MAML3: variants seen among roughly 807,000 people sequenced by gnomAD.
MAML3 encodes mastermind like transcriptional coactivator 3, also known as mastermind-like protein 3.
A neutral mutation model predicts 101.9 loss-of-function variants in MAML3; 27 were observed. The ratio of observed to expected loss-of-function variants is 0.27; its 90% confidence interval spans 0.20 to 0.37. MAML3 has a LOEUF of 0.37. Among genes scored for constraint, MAML3 ranks in the 10% least tolerant of loss-of-function variants. The pLI, the probability that MAML3 is intolerant of heterozygous loss-of-function variation, is 1.00. For missense variants in MAML3, 1,316 were observed against 1,444.9 expected, an observed-to-expected ratio of 0.91 and a Z score of 1.45; for synonymous variants, 501 against 555.9, an observed-to-expected ratio of 0.90 and a Z score of 1.39.
At chr4:139,963,496 C>T (rs375272312) in intron 1 of MAML3, among the ~76,000 whole-genome samples, 6 of 152,144 alleles carry the variant, frequency 3.9e-5, no homozygotes, top group Non-Finnish European at 5.9e-5. Flanking sequence ...TCTACGTGGC[C>T]GACAATGAAA....
At chr4:139,833,707 G>A (rs1275556199) in intron 2 of MAML3, among the ~76,000 whole-genome samples, 1 of 152,142 alleles carries the variant, frequency 6.6e-6, no homozygotes, top group Non-Finnish European at 1.5e-5. Flanking sequence ...AGTGCCAAGG[G>A]GTGGCCGCTT....
At chr4:139,907,616 C>T (rs959305905) in intron 1 of MAML3, among the ~76,000 whole-genome samples, 2 of 152,124 alleles carry the variant, frequency 1.3e-5, no homozygotes, top group Non-Finnish European at 2.9e-5. Flanking sequence ...TTTTTGATGG[C>T]CCATTGGGTG....
chr4:139,830,665 C>T (rs866932023), intron 2 of MAML3, among the ~76,000 whole-genome samples: 37 of 152,012 alleles, frequency 2.4e-4, no homozygotes, highest in African/African-American at 8.7e-4. Flanking sequence ...CCGCCCGCCT[C>T]GGCCTCCCAA....
intron 2 of MAML3, chr4:139,731,435 T>TAAAGAA (rs1728709690): frequency 5.2e-5 from 2 of 38,718 alleles, no homozygotes; most frequent in East Asian, 1.9e-3. Flanking sequence ...CTGTCTCTAC[T>TAAAGAA]AAAAAAAAAA....
chr4:139,798,391 T>C (rs950990476), intron 2 of MAML3, among the ~76,000 whole-genome samples: 3 of 152,352 alleles, frequency 2.0e-5, no homozygotes, highest in Non-Finnish European at 4.4e-5. Context: ...CTTTCATCTC[T>C]GACATTCTAT....
At chr4:139,783,696 G>T (rs939109268) in intron 2 of MAML3, among the ~76,000 whole-genome samples, 1 of 152,184 alleles carries the variant, frequency 6.6e-6, no homozygotes, top group Non-Finnish European at 1.5e-5. Flanking sequence ...GCCCAAGAGA[G>T]GGCTCATTTG....
chr4:139,937,109 T>C (rs1018414161), intron 1 of MAML3, among the ~76,000 whole-genome samples: 3 of 152,246 alleles, frequency 2.0e-5, no homozygotes, highest in African/African-American at 7.2e-5. Flanking sequence ...CCTGTCTTTC[T>C]TGCTAGCCAA....
chr4:140,034,338 A>G (rs1035520997), intron 1 of MAML3, among the ~76,000 whole-genome samples: 2 of 152,240 alleles, frequency 1.3e-5, no homozygotes, highest in East Asian at 3.8e-4. Flanking sequence ...GAAATGGAGT[A>G]GATTACTTAG....
At chr4:139,845,786 A>G (rs1041982401) in intron 2 of MAML3, among the ~76,000 whole-genome samples, 2 of 152,232 alleles carry the variant, frequency 1.3e-5, no homozygotes, top group African/African-American at 4.8e-5. Context: ...TGATATTATG[A>G]TAATTCTGAA....
rs1386149588 is a variant in MAML3, at chr4:139,725,753, T to G, written c.2414A>C (p.Gln805Pro). The change falls in exon 4 of 5, where the codon CAA becomes CCA. Residue 805 changes from glutamine to proline, a missense_variant and splice_region_variant. Transcript: ENST00000509479. ...PYPVQQVNQF[Q>P]GSPQDIAAVR... ...GAGAGAGGTTGCACTGGCCTCACCT[T>G]GAAACTGATTGACCTGCTGCACTGG... The G allele has an allele frequency of 8.1e-6, 13 of 1,613,766 alleles. No homozygotes were observed. The highest frequency in any genetic ancestry group is 1.1e-5 in the Non-Finnish European group (13 of 1,179,802).
In MAML3 at chr4:139,816,503, T is replaced by C. The variant is rs186738604; in HGVS notation, c.2079+72854A>G. The stretch of plus-strand genomic sequence containing the variant: ...TCTGGGGTATAAGGCTTACTGTGAT[T>C]CCAGACGTGTCGCCATGGCAGCGGT... On this transcript the variant is annotated intron_variant, in intron 2 of 4. Coordinates refer to ENST00000509479, the MANE Select transcript of MAML3 (RefSeq NM_018717.5). Among the ~76,000 whole-genome samples, 100 of 152,214 alleles carry C rather than the reference T, an allele frequency of 6.6e-4. 2 individuals are homozygous for C. The East Asian group carries it at 0.018, about 27-fold the overall frequency.
intron 1 of MAML3, among the ~76,000 whole-genome samples, chr4:140,070,945 C>T (rs1180444328): frequency 6.6e-6 from 1 of 152,198 alleles, no homozygotes; most frequent in Non-Finnish European, 1.5e-5. Context: ...GGCCTTGCAG[C>T]CACCTTGCAA....
Position 139,911,753 on chromosome 4 carries a change from A to C in MAML3, c.469-20786T>G, listed in dbSNP as rs570186879. 8.5e-5 allele frequency among the ~76,000 whole-genome samples: 13 copies of C among 152,312 alleles called. No individual in the cohort carries two copies. The South Asian group carries it at 1.5e-3, about 17-fold the overall frequency. On this transcript the variant is annotated intron_variant, in intron 1 of 4. Coordinates refer to ENST00000509479, the MANE Select transcript of MAML3 (RefSeq NM_018717.5). ...CCCCCTCACTCTTTCCATCATGTGA[A>C]GACATCGGAAGAAGACAGTTGTCTA...
intron 1 of MAML3, among the ~76,000 whole-genome samples, chr4:139,935,726 A>T (rs1718271752): frequency 6.8e-6 from 1 of 147,926 alleles, no homozygotes; most frequent in South Asian, 2.1e-4. Flanking sequence ...GCTTTCTGCT[A>T]ATTTTTTCCA....
Position 140,153,075 on chromosome 4 carries a change from G to C in MAML3, c.253C>G (p.Arg85Gly), listed in dbSNP as rs1468585525. ...TTCTCGCAGTTGACGTGGTGCCGAC[G>C]GCAGCCCTCGATGCGCTGGCGGAGC... ...ERLRQRIEGC[R>G]RHHVNCENRY... The change falls in exon 1 of 5, where the codon CGT becomes GGT. Residue 85 changes from arginine (R) to glycine (G), a missense_variant. Coordinates refer to ENST00000509479, the MANE Select transcript of MAML3 (RefSeq NM_018717.5). 3 of 1,560,548 alleles carry C rather than the reference G, an allele frequency of 1.9e-6. No homozygotes were observed. Among genetic ancestry groups the C allele is most frequent in the South Asian group, 1.2e-5 (1 of 85,410 alleles).
Position 140,153,113 on chromosome 4 carries a change from G to C in MAML3, c.215C>G (p.Thr72Ser). 6.4e-7 allele frequency: 1 copy of C among 1,551,476 alleles called. No homozygotes were observed. The highest frequency in any genetic ancestry group is 1.2e-5 in the South Asian group (1 of 84,254). The change falls in exon 1 of 5, where the codon ACC (threonine) becomes AGC (serine). Residue 72 changes from threonine (T) to serine (S), a missense_variant. Physicochemically the swap from Thr to Ser is moderately conservative, Grantham distance 58. Coordinates refer to ENST00000509479, the MANE Select transcript of MAML3 (RefSeq NM_018717.5). Reference protein sequence around the residue: ...GGSAAVPKHSTVVERLRQRIE... With the variant: ...GGSAAVPKHSSVVERLRQRIE... ...GCGCTGGCGGAGCCGCTCCACCACG[G>C]TGCTGTGCTTGGGAACGGCCGCCGA... is the stretch of plus-strand genomic sequence containing the variant.
chr4:139,958,483 G>A (rs918531094), intron 1 of MAML3, among the ~76,000 whole-genome samples: 2 of 152,124 alleles, frequency 1.3e-5, no homozygotes, highest in Non-Finnish European at 2.9e-5. Flanking sequence ...TAAAAGGTTC[G>A]GTGTACAGTT....
intron 2 of MAML3, among the ~76,000 whole-genome samples, chr4:139,752,336 T>C (rs1034216255): frequency 1.3e-5 from 2 of 152,218 alleles, no homozygotes; most frequent in East Asian, 3.9e-4. Context: ...TTTAGGCCTG[T>C]GGTTGCATGG....
chr4:139,883,171 C>A (rs1732252163), intron 2 of MAML3, among the ~76,000 whole-genome samples: 1 of 151,818 alleles, frequency 6.6e-6, no homozygotes, highest in Non-Finnish European at 1.5e-5. Context: ...GTGGACAGAA[C>A]CAACAGGGCA....
Sources: allele counts gnomAD v4.1 joint callset (sites outside exome capture counted in the v4.1 genomes callset), GRCh38; gene constraint gnomAD v4.1.1; transcripts MANE v1.5; gene names NCBI Gene and HGNC (gene_info 2026-07-23, HGNC 2026-07-21).